Variants in DNAJC6 observed in about 807,000 individuals in gnomAD.
DNAJC6 encodes the protein DnaJ heat shock protein family (Hsp40) member C6.
A neutral mutation model predicts 110.0 loss-of-function variants in DNAJC6; 34 were observed. The observed-to-expected ratio is 0.31, with a 90% CI of 0.24 to 0.41. The LOEUF (loss-of-function observed/expected upper bound fraction) is 0.41. Among genes scored for constraint, DNAJC6 ranks in the 10% least tolerant of loss-of-function variants. DNAJC6 has a pLI of 1.00. For missense variants in DNAJC6, 1,031 were observed against 1,207.8 expected, an observed-to-expected ratio of 0.85 and a Z score of 2.17; for synonymous variants, 406 against 437.2, an observed-to-expected ratio of 0.93 and a Z score of 0.89.
At chr1:65,382,032 AAG>A in intron 5 of DNAJC6, among the ~76,000 whole-genome samples, 1 of 152,356 alleles carries the variant, frequency 6.6e-6, no homozygotes, top group Non-Finnish European at 1.5e-5. Flanking sequence ...CAGGCAAATG[AAG>A]AGAGGAGATT....
At chr1:65,384,128 C>T in intron 5 of DNAJC6, 65 bp from the exon 6 acceptor site, 1 of 1,344,072 alleles carries the variant, frequency 7.4e-7, no homozygotes, top group Non-Finnish European at 9.6e-7. Flanking sequence ...CAAATTCTGC[C>T]ATTTTCAATG....
At chr1:65,281,086 C>T (rs954384883) in intron 1 of DNAJC6, among the ~76,000 whole-genome samples, 2 of 152,046 alleles carry the variant, frequency 1.3e-5, no homozygotes, top group African/African-American at 2.4e-5. Flanking sequence ...CGCCATTACA[C>T]TGGCTAATTT....
At chr1:65,405,802 G>T in intron 15 of DNAJC6, 68 bp from the exon 16 acceptor site, 1 of 1,522,700 alleles carries the variant, frequency 6.6e-7, no homozygotes, top group Non-Finnish European at 8.8e-7. Flanking sequence ...TGCAAACAGT[G>T]TCTTAAGACA....
rs142847419 is a variant in DNAJC6, at chr1:65,362,747, C to T, written c.194-1888C>T. Among the ~76,000 whole-genome samples the T allele has an allele frequency of 4.1e-3, 621 of 152,256 alleles. 3 individuals carry two copies. Among genetic ancestry groups the T allele is most frequent in the African/African-American group, 0.014 (600 of 41,532 alleles). ...TGACTCACGCTCTTGACTGCTAGGC[C>T]TTAAAGCCCTACCTGGCCACTGTTC... On this transcript the variant is annotated intron_variant, in intron 1 of 18. Transcript: ENST00000371069.
chr1:65,408,725 C>T lies in DNAJC6; in HGVS notation c.2576C>T (p.Thr859Ile). The change falls in exon 17 of 19, where the codon ACA becomes ATA. Residue 859 changes from threonine to isoleucine, a missense_variant. Physicochemically the swap from Thr to Ile is moderately conservative, Grantham distance 89. Coordinates refer to ENST00000371069, the MANE Select transcript of DNAJC6 (RefSeq NM_001256864.2). ...CACAAAGACAAAAAGGGGCCTCGGACAATAGCTGAGATGAGAAAGGAGGAA... is the reference window on the plus strand; with the variant it reads ...CACAAAGACAAAAAGGGGCCTCGGATAATAGCTGAGATGAGAAAGGAGGAA... ...NAHKDKKGPR[T>I]IAEMRKEEMA... 6.2e-7 allele frequency: 1 copy of T among 1,613,870 alleles called. No individual in the cohort carries two copies. Among genetic ancestry groups the T allele is most frequent in the African/African-American group, 1.3e-5 (1 of 74,962 alleles).
chr1:65,399,186 A>T (rs1481496332), intron 14 of DNAJC6, among the ~76,000 whole-genome samples: 2 of 152,230 alleles, frequency 1.3e-5, no homozygotes, highest in Non-Finnish European at 2.9e-5. Context: ...TTTTTTGGCA[A>T]GTCTGAGCCT....
chr1:65,343,007 A>C (rs971728549), intron 1 of DNAJC6, among the ~76,000 whole-genome samples: 5 of 152,154 alleles, frequency 3.3e-5, no homozygotes, highest in African/African-American at 1.2e-4. Flanking sequence ...CAGTGATTCT[A>C]AATTTCTTTA....
At chr1:65,365,203 G>A (rs181337309) in intron 2 of DNAJC6, among the ~76,000 whole-genome samples, 73 of 152,160 alleles carry the variant, frequency 4.8e-4, no homozygotes, top group African/African-American at 1.7e-3. Flanking sequence ...CATTACCTAC[G>A]GATTGTAATC....
intron 1 of DNAJC6, among the ~76,000 whole-genome samples, chr1:65,325,719 C>T (rs979334440): frequency 3.3e-5 from 5 of 152,174 alleles, no homozygotes; most frequent in Non-Finnish European, 5.9e-5. Context: ...TATAGCCATA[C>T]GTTCTGAGAA....
upstream of DNAJC6, chr1:65,306,431 A>G (rs963953910): frequency 1.3e-5 from 2 of 152,146 alleles, no homozygotes; most frequent in Admixed American, 1.3e-4. Context: ...TGGCATACAT[A>G]CCTTGATCTC....
chr1:65,324,179 T>A (rs918248348), intron 1 of DNAJC6, among the ~76,000 whole-genome samples: 1 of 152,076 alleles, frequency 6.6e-6, no homozygotes, highest in African/African-American at 2.4e-5. Context: ...TTCTTTATTT[T>A]GTTTTTATTT....
chr1:65,385,653 T>C, intron 6 of DNAJC6, 59 bp from the exon 7 acceptor site: 2 of 1,369,200 alleles, frequency 1.5e-6, no homozygotes, highest in Non-Finnish European at 9.6e-7. Context: ...TAGCAAATAT[T>C]GATTGCTTGC....
chr1:65,405,927 C>T lies in DNAJC6; in HGVS notation c.2285C>T (p.Pro762Leu), dbSNP rs1440259182. 9.3e-6 allele frequency: 15 copies of T among 1,613,914 alleles called. No homozygotes were observed. The highest frequency in any genetic ancestry group is 4.5e-5 in the East Asian group (2 of 44,888). Residue 762 changes from proline (P) to leucine (L), a missense_variant, in exon 16 of 19, where the codon CCG becomes CTG. Pro to Leu is a moderately conservative substitution (Grantham distance 98). Transcript: ENST00000371069. ...CCAACTGGATTGGGTGGAGGATTCC[C>T]GCCTCTCAGCTCGCCACAGAAGGCG... is the stretch of plus-strand genomic sequence containing the variant. ...TTPTGLGGGF[P>L]PLSSPQKASP...
intron 1 of DNAJC6, among the ~76,000 whole-genome samples, chr1:65,313,106 G>A (rs1316440018): frequency 6.6e-6 from 1 of 152,026 alleles, no homozygotes; most frequent in Non-Finnish European, 1.5e-5. Flanking sequence ...AGGCTGGAGT[G>A]CAGTGGTGTG....
chr1:65,304,971 T>C (rs114278298), upstream of DNAJC6, among the ~76,000 whole-genome samples: 1 of 152,338 alleles, frequency 6.6e-6, no homozygotes, highest in African/African-American at 2.4e-5. Context: ...TGTTCCCCAG[T>C]TGAAGTGCCT....
At chr1:65,382,733 A>G (rs1441583455) in intron 5 of DNAJC6, among the ~76,000 whole-genome samples, 2 of 152,260 alleles carry the variant, frequency 1.3e-5, no homozygotes, top group African/African-American at 4.8e-5. Flanking sequence ...ATAAAAGCAT[A>G]GTGTCCAGAA....
chr1:65,401,682 C>T, intron 14 of DNAJC6, 79 bp from the exon 15 acceptor site: 1 of 1,553,620 alleles, frequency 6.4e-7, no homozygotes, highest in Non-Finnish European at 8.7e-7. Context: ...GACAAATAAA[C>T]AGTAACTCTG....
rs1646151652 is a variant in DNAJC6, at chr1:65,414,128, C to G, written c.*1103C>G. On this transcript the variant is annotated 3_prime_UTR_variant, in exon 19 of 19. Transcript: ENST00000371069. ...TGAGGAACCAGGTCCCACCTCCCCA[C>G]AAGGCAAATCTAGACCCATTAAATT... 1 of 152,252 alleles carries G rather than the reference C, an allele frequency of 6.6e-6. No individual in the cohort carries two copies. The highest frequency in any genetic ancestry group is 1.5e-5 in the Non-Finnish European group (1 of 68,060). The allele number at this position is 152,252 out of a possible 1,614,324, so 9.4% of individuals were successfully genotyped here. A position where few individuals can be genotyped will look rare whatever the true frequency, so the allele number is the denominator to read the frequency against.
chr1:65,409,919 T>G (rs968536750), intron 17 of DNAJC6, among the ~76,000 whole-genome samples: 1 of 152,192 alleles, frequency 6.6e-6, no homozygotes, highest in South Asian at 2.1e-4. Flanking sequence ...TCAGCGAATC[T>G]AACCCCTTTG....
Sources: allele counts gnomAD v4.1 joint callset (sites outside exome capture counted in the v4.1 genomes callset), GRCh38; gene constraint gnomAD v4.1.1; transcripts MANE v1.5; gene names NCBI Gene and HGNC (gene_info 2026-07-23, HGNC 2026-07-21).